The following ZNF277 variants were observed in gnomAD, a reference collection of about 807,000 sequenced individuals.
The protein encoded by ZNF277 is nuclear receptor-interacting factor 4.
ZNF277 carries 55 observed loss-of-function variants against 60.7 expected under a neutral mutation model. That is an observed-to-expected ratio of 0.91 (90% CI 0.73 to 1.13). ZNF277 has a LOEUF of 1.13. Among genes scored for constraint, ZNF277 ranks in the 50% most tolerant of loss-of-function variants. ZNF277 has a pLI of 0.00. For synonymous variants in ZNF277, 178 were observed against 179.3 expected, an observed-to-expected ratio of 0.99 and a Z score of 0.06; for missense variants, 510 against 523.0, an observed-to-expected ratio of 0.98 and a Z score of 0.24.
chr7:112,216,841 A>T (rs1342832074), intron 1 of ZNF277, among the ~76,000 whole-genome samples: 1 of 152,232 alleles, frequency 6.6e-6, no homozygotes, highest in Non-Finnish European at 1.5e-5. Flanking sequence ...TGTGTCATTG[A>T]TCAGGTGTAT....
intron 5 of ZNF277, among the ~76,000 whole-genome samples, chr7:112,325,539 A>G (rs1219167475): frequency 6.6e-6 from 1 of 152,198 alleles, no homozygotes; most frequent in Non-Finnish European, 1.5e-5. Context: ...GCTTTGAGAC[A>G]GCTGCTTGTT....
Position 112,310,489 on chromosome 7 carries a change from G to GAGAGAGAGAGAGAGAGAGAGAGAA in ZNF277, c.466-7693_466-7692insAGAGAGAGAGAGAGAGAGAGAGAA, listed in dbSNP as rs1305151299. On this transcript the variant is annotated intron_variant, in intron 4 of 11. Coordinates refer to ENST00000361822, the MANE Select transcript of ZNF277 (RefSeq NM_021994.3). ...AGAGAGAGAGAGAGAGTGTGTGTGTGTGTATGTATTTTATTTTTTATTTGC... is the reference window on the plus strand; with the variant it reads ...AGAGAGAGAGAGAGAGTGTGTGTGTGAGAGAGAGAGAGAGAGAGAGAGAATGTATGTATTTTATTTTTTATTTGC... 5.5e-4 allele frequency among the ~76,000 whole-genome samples: 78 copies of GAGAGAGAGAGAGAGAGAGAGAGAA among 142,824 alleles called. 4 individuals carry two copies. Among genetic ancestry groups the GAGAGAGAGAGAGAGAGAGAGAGAA allele is most frequent in the African/African-American group, 2.1e-3 (70 of 33,628 alleles). The allele number at this position is 142,824 out of a possible 152,430, so 93.7% of individuals were successfully genotyped here. A position where few individuals can be genotyped will look rare whatever the true frequency, so the allele number is the denominator to read the frequency against.
chr7:112,228,905 C>G (rs1413950960), intron 1 of ZNF277, among the ~76,000 whole-genome samples: 1 of 152,140 alleles, frequency 6.6e-6, no homozygotes, highest in East Asian at 1.9e-4. Context: ...CTTCTGTTTT[C>G]TCGCAACTAA....
intron 4 of ZNF277, among the ~76,000 whole-genome samples, chr7:112,308,302 G>C (rs1355880303): frequency 1.3e-5 from 2 of 151,838 alleles, no homozygotes; most frequent in Admixed American, 1.3e-4. Context: ...ATCACTTGAG[G>C]CCAGGAGTTC....
At chr7:112,309,583 T>A (rs183145371) in intron 4 of ZNF277, among the ~76,000 whole-genome samples, 1 of 151,934 alleles carries the variant, frequency 6.6e-6, no homozygotes, top group African/African-American at 2.4e-5. Context: ...TATGTTGTTT[T>A]TTCTATTAAT....
rs1584379008 is a variant in ZNF277 at position 112,286,970 on chromosome 7, T to G, written c.189T>G (p.Cys63Trp). The stretch of plus-strand genomic sequence containing the variant: ...CTCCATCTGTGCCTTGTATTTTCTG[T>G]GAAGAACATTTTCCTGTGGCTGAAC... The part of the protein sequence containing the change: ...EGSPSVPCIF[C>W]EEHFPVAEQD... Residue 63 changes from cysteine to tryptophan, a missense_variant, in exon 2 of 12, where the codon TGT becomes TGG. Cys to Trp is a radical substitution (Grantham distance 215). Coordinates refer to ENST00000361822, the MANE Select transcript of ZNF277 (RefSeq NM_021994.3). 11 of 1,613,926 alleles carry G rather than the reference T, an allele frequency of 6.8e-6. No individual in the cohort carries two copies. The highest frequency in any genetic ancestry group is 2.2e-5 in the East Asian group (1 of 44,858).
chr7:112,278,854 A>G (rs1340464156), intron 1 of ZNF277, among the ~76,000 whole-genome samples: 1 of 152,164 alleles, frequency 6.6e-6, no homozygotes, highest in African/African-American at 2.4e-5. Flanking sequence ...GAACTTTTTC[A>G]TCTTCCATTA....
chr7:112,257,375 T>G (rs1490982989), intron 1 of ZNF277, among the ~76,000 whole-genome samples: 1 of 152,170 alleles, frequency 6.6e-6, no homozygotes, highest in Non-Finnish European at 1.5e-5. Context: ...AAAATAGACT[T>G]TAGCAGTATT....
chr7:112,283,374 T>A (rs1409034169), intron 1 of ZNF277, among the ~76,000 whole-genome samples: 1 of 152,122 alleles, frequency 6.6e-6, no homozygotes, highest in East Asian at 1.9e-4. Context: ...AATACAAAAA[T>A]TAGCAGGGTG....
At chr7:112,293,755 G>C (rs771571580) in intron 2 of ZNF277, among the ~76,000 whole-genome samples, 1 of 152,106 alleles carries the variant, frequency 6.6e-6, no homozygotes, top group Non-Finnish European at 1.5e-5. Flanking sequence ...CCTTTCAACA[G>C]GCTCTAGACC....
At chr7:112,206,892 G>A in intron 1 of ZNF277, 85 bp downstream of exon 1, 1 of 1,400,448 alleles carries the variant, frequency 7.1e-7, no homozygotes, top group Non-Finnish European at 9.8e-7. Flanking sequence ...TCTGACCCTA[G>A]GAGCCCTTCA....
intron 1 of ZNF277, among the ~76,000 whole-genome samples, chr7:112,267,190 C>A (rs963569453): frequency 7.9e-5 from 12 of 152,254 alleles, no homozygotes; most frequent in South Asian, 4.1e-4. Flanking sequence ...ACTGCTATAG[C>A]CTCTTAATGT....
intron 1 of ZNF277, among the ~76,000 whole-genome samples, chr7:112,269,170 C>T (rs1190733117): frequency 2.0e-5 from 3 of 150,574 alleles, no homozygotes; most frequent in Admixed American, 6.6e-5. Context: ...TCCTAGGATG[C>T]GTTATCAAAT....
rs1422140697 is a variant in ZNF277, at chr7:112,287,021, T to G, written c.240T>G (p.Ile80Met). 6.2e-7 allele frequency: 1 copy of G among 1,613,990 alleles called. No individual in the cohort carries two copies. Among genetic ancestry groups the G allele is most frequent in the Non-Finnish European group, 8.5e-7 (1 of 1,180,012 alleles). Residue 80 changes from isoleucine (I) to methionine (M), a missense_variant, in exon 2 of 12, where the codon ATT becomes ATG. Coordinates refer to ENST00000361822, the MANE Select transcript of ZNF277 (RefSeq NM_021994.3). ...AAGACAAACTTCTGAAGCACATGAT[T>G]ATTGAGCATAAGATTGTCATAGCTG... The part of the protein sequence containing the change: ...AEQDKLLKHM[I>M]IEHKIVIADV...
At chr7:112,320,924 T>C (rs1329907294) in intron 5 of ZNF277, among the ~76,000 whole-genome samples, 1 of 134,298 alleles carries the variant, frequency 7.4e-6, no homozygotes, top group Admixed American at 7.3e-5. Flanking sequence ...TTTCTTTTTT[T>C]TTTTTTTTTT....
intron 1 of ZNF277, among the ~76,000 whole-genome samples, chr7:112,216,934 G>A (rs137889289): frequency 2.8e-4 from 42 of 152,276 alleles, no homozygotes; most frequent in African/African-American, 8.2e-4. Context: ...TTGATTATTA[G>A]GATGCATCCT....
intron 2 of ZNF277, 63 bp from the exon 3 acceptor site, chr7:112,295,806 G>A (rs1284742990): frequency 7.7e-7 from 1 of 1,296,686 alleles, no homozygotes. Flanking sequence ...ATAGATTCCT[G>A]TCATTCTAAA....
intron 7 of ZNF277, chr7:112,330,454 C>T (rs4427105): frequency 1.1e-5 from 4 of 380,292 alleles, no homozygotes; most frequent in East Asian, 9.1e-5. Context: ...TCACAGTCAT[C>T]TTGACCAAAA....
At chr7:112,260,145 G>A (rs2117022771) in intron 1 of ZNF277, among the ~76,000 whole-genome samples, 2 of 152,156 alleles carry the variant, frequency 1.3e-5, no homozygotes, top group South Asian at 4.1e-4. Context: ...GTGCGCCTGT[G>A]GTCCTAGCTA....
Sources: allele counts gnomAD v4.1 joint callset (sites outside exome capture counted in the v4.1 genomes callset), GRCh38; gene constraint gnomAD v4.1.1; transcripts MANE v1.5; gene names NCBI Gene and HGNC (gene_info 2026-07-23, HGNC 2026-07-21).